PCDH11X: variants seen among roughly 807,000 people sequenced by gnomAD.
The protein encoded by PCDH11X is protocadherin-11 X-linked.
In PCDH11X, 18 loss-of-function variants were observed where a neutral mutation model predicts 53.3. The ratio of observed to expected loss-of-function variants is 0.34; its 90% confidence interval spans 0.23 to 0.50. The LOEUF is 0.50. PCDH11X is among the 20% of genes least tolerant of loss of function. The pLI is 0.98. For synonymous variants in PCDH11X, 279 were observed against 393.3 expected, an observed-to-expected ratio of 0.71 and a Z score of 3.44; for missense variants, 570 against 1,032.4, an observed-to-expected ratio of 0.55 and a Z score of 6.14.
At chrX:92,406,901 C>T (rs2754956) in intron 9 of PCDH11X, among the ~76,000 whole-genome samples, 11,524 of 98,857 alleles carry the variant, frequency 0.12, 1,219 homozygotes, top group East Asian at 0.63. Context: ...CACTCCAGCC[C>T]GGGCAACAGA....
intron 6 of PCDH11X, among the ~76,000 whole-genome samples, chrX:91,959,255 A>G (rs943332770): frequency 1.9e-4 from 21 of 109,743 alleles, no homozygotes; most frequent in African/African-American, 6.6e-4. Flanking sequence ...CGTCAAGTTA[A>G]TTAACACATT....
chrX:91,969,689 C>T (rs745836626), intron 6 of PCDH11X, among the ~76,000 whole-genome samples: 142 of 107,097 alleles, frequency 1.3e-3, no homozygotes, highest in African/African-American at 4.6e-3. Context: ...CCCAACTACT[C>T]GGGAGCCTGA....
chrX:92,336,818 G>GC, intron 8 of PCDH11X, among the ~76,000 whole-genome samples: 1 of 109,816 alleles, frequency 9.1e-6, no homozygotes, highest in East Asian at 2.9e-4. Flanking sequence ...GTAACATAAG[G>GC]TTTTTTTTTA....
intron 7 of PCDH11X, among the ~76,000 whole-genome samples, chrX:92,208,028 C>G (rs926254466): frequency 9.2e-6 from 1 of 108,736 alleles, no homozygotes; most frequent in African/African-American, 3.4e-5. Context: ...AACCCCGTCT[C>G]TATTAAAAAT....
chrX:92,480,458 G>T (rs1480438164), intron 10 of PCDH11X, among the ~76,000 whole-genome samples: 1 of 110,275 alleles, frequency 9.1e-6, no homozygotes, highest in Non-Finnish European at 1.9e-5. Context: ...TTCTTGCACT[G>T]TTCTTTCTTG....
Position 92,396,776 on chromosome X carries a change from G to C in PCDH11X, c.3343+8843G>C, listed in dbSNP as rs1239354437. ...GAGAATTGCTTGAACCTGAGAGGGG[G>C]AGATTGCAGTGAGCCGAGATGGCAC... On this transcript the variant is annotated intron_variant, in intron 9 of 10. Coordinates refer to ENST00000682573, the MANE Select transcript of PCDH11X (RefSeq NM_032968.5). Among the ~76,000 whole-genome samples, 134 of 91,585 alleles carry C rather than the reference G, an allele frequency of 1.5e-3. 2 individuals are homozygous for C. Among genetic ancestry groups the C allele is most frequent in the Non-Finnish European group, 1.3e-3 (66 of 48,966 alleles). 79.5% of individuals were successfully genotyped at this position (91,585 alleles called of 115,157 possible). A position where few individuals can be genotyped will look rare whatever the true frequency, so the allele number is the denominator to read the frequency against.
chrX:92,047,686 G>C (rs2148041197), intron 6 of PCDH11X, among the ~76,000 whole-genome samples: 1 of 110,084 alleles, frequency 9.1e-6, no homozygotes, highest in Admixed American at 9.8e-5. Flanking sequence ...AGAGTAAATA[G>C]TTTCCCCATC....
At chrX:91,965,617 C>T (rs1423186511) in intron 6 of PCDH11X, among the ~76,000 whole-genome samples, 1 of 108,161 alleles carries the variant, frequency 9.2e-6, no homozygotes. Context: ...ATTTATGAAA[C>T]CTGATTTCTT....
At chrX:92,110,028 A>C (rs1462724510) in intron 6 of PCDH11X, among the ~76,000 whole-genome samples, 1 of 112,538 alleles carries the variant, frequency 8.9e-6, no homozygotes, top group African/African-American at 3.2e-5. Flanking sequence ...TTTTCTCAGC[A>C]GTTAATCTTT....
chrX:91,853,584 A>G (rs1264205825), intron 5 of PCDH11X, among the ~76,000 whole-genome samples: 1 of 108,886 alleles, frequency 9.2e-6, no homozygotes, highest in African/African-American at 3.5e-5. Context: ...AATTATTAGC[A>G]ATTTTAAAAT....
At chrX:92,032,769 A>G (rs2063071945) in intron 6 of PCDH11X, among the ~76,000 whole-genome samples, 1 of 106,652 alleles carries the variant, frequency 9.4e-6, no homozygotes, top group Non-Finnish European at 1.9e-5. Context: ...TTCTGTTGCT[A>G]TGATGTACCA....
At chrX:92,552,994 C>CGTGTGTGTGTGTGTGTGTGTGT (rs57655496) in intron 10 of PCDH11X, among the ~76,000 whole-genome samples, 2 of 88,908 alleles carry the variant, frequency 2.2e-5, no homozygotes, top group South Asian at 1.2e-3. Flanking sequence ...CTGCAATTTT[C>CGTGTGTGTGTGTGTGTGTGTGT]GTGTGTGTGT....
intron 10 of PCDH11X, among the ~76,000 whole-genome samples, chrX:92,512,336 A>G (rs186388914): frequency 8.9e-6 from 1 of 112,055 alleles, no homozygotes; most frequent in African/African-American, 3.2e-5. Flanking sequence ...TTTGATGACT[A>G]CATTTTCAAG....
intron 6 of PCDH11X, among the ~76,000 whole-genome samples, chrX:92,012,421 T>C (rs1330578519): frequency 1.8e-5 from 2 of 111,358 alleles, no homozygotes; most frequent in Non-Finnish European, 3.8e-5. Flanking sequence ...CTCTTTGTAA[T>C]TGGCTTCTGT....
intron 8 of PCDH11X, among the ~76,000 whole-genome samples, chrX:92,384,655 T>C (rs1359128926): frequency 3.1e-5 from 3 of 97,961 alleles, no homozygotes; most frequent in Non-Finnish European, 6.3e-5. Context: ...GCTGTCTTCT[T>C]GGGCTGAGTT....
chrX:91,997,468 A>G (rs1461570084), intron 6 of PCDH11X, among the ~76,000 whole-genome samples: 2 of 111,563 alleles, frequency 1.8e-5, no homozygotes, highest in South Asian at 3.7e-4. Flanking sequence ...TGCAACTATT[A>G]AGATGATTAT....
At chrX:92,570,296 A>G (rs1202727823) in intron 10 of PCDH11X, among the ~76,000 whole-genome samples, 1 of 111,983 alleles carries the variant, frequency 8.9e-6, no homozygotes, top group Non-Finnish European at 1.9e-5. Context: ...TTTAATAGTA[A>G]TCGTTGCCAT....
chrX:92,211,879 C>G (rs749690261), intron 7 of PCDH11X, among the ~76,000 whole-genome samples: 26 of 111,066 alleles, frequency 2.3e-4, no homozygotes, highest in Non-Finnish European at 4.0e-4. Context: ...AGTGTCTTTA[C>G]TTATTTTCCA....
At chrX:92,195,492 CAGA>C (rs1355554225) in intron 6 of PCDH11X, among the ~76,000 whole-genome samples, 1 of 111,251 alleles carries the variant, frequency 9.0e-6, no homozygotes, top group Non-Finnish European at 1.9e-5. Context: ...TAACTACATC[CAGA>C]AGGAGGATCC....
Sources: allele counts gnomAD v4.1 joint callset (sites outside exome capture counted in the v4.1 genomes callset), GRCh38; gene constraint gnomAD v4.1.1; transcripts MANE v1.5; gene names NCBI Gene and HGNC (gene_info 2026-07-23, HGNC 2026-07-21).